STXBP5L: variants seen among roughly 807,000 people sequenced by gnomAD.
STXBP5L encodes the protein syntaxin-binding protein 5-like.
A neutral mutation model predicts 144.5 loss-of-function variants in STXBP5L; 65 were observed. The observed-to-expected ratio is 0.45, with a 90% confidence interval of 0.37 to 0.55. The LOEUF is 0.55. STXBP5L is among the 20% of genes least tolerant of loss of function. The pLI is 0.00. For synonymous variants in STXBP5L, 505 were observed against 469.6 expected, an observed-to-expected ratio of 1.08 and a Z score of -0.97; for missense variants, 1,298 against 1,405.5, an observed-to-expected ratio of 0.92 and a Z score of 1.22.
chr3:121,080,246 C>A (rs556595616), intron 5 of STXBP5L, among the ~76,000 whole-genome samples: 1 of 152,090 alleles, frequency 6.6e-6, no homozygotes, highest in Non-Finnish European at 1.5e-5. Flanking sequence ...TTGAAGACAA[C>A]AGATATTGGG....
chr3:121,327,120 C>G (rs1194069610), intron 20 of STXBP5L, among the ~76,000 whole-genome samples: 2 of 152,118 alleles, frequency 1.3e-5, no homozygotes, highest in Admixed American at 6.6e-5. Context: ...TATGATGAAC[C>G]AGGCTGCACT....
intron 4 of STXBP5L, among the ~76,000 whole-genome samples, chr3:121,043,471 G>A (rs368523898): frequency 2.4e-4 from 37 of 151,784 alleles, no homozygotes; most frequent in African/African-American, 8.9e-4. Context: ...AGCACTTTGG[G>A]AAGTTAAGGT....
chr3:121,005,707 C>G (rs1438760392), intron 3 of STXBP5L, among the ~76,000 whole-genome samples: 1 of 152,198 alleles, frequency 6.6e-6, no homozygotes, highest in African/African-American at 2.4e-5. Flanking sequence ...AAATTTCCCT[C>G]TACACACTGC....
chr3:121,037,865 C>T (rs1235951118), intron 3 of STXBP5L, among the ~76,000 whole-genome samples: 2 of 151,928 alleles, frequency 1.3e-5, no homozygotes, highest in South Asian at 2.1e-4. Flanking sequence ...TGTTAAATTT[C>T]CTACTTCTCC....
At chr3:121,390,438 AGCTGGTTATTTT>A (rs2046552035) in intron 22 of STXBP5L, among the ~76,000 whole-genome samples, 1 of 152,150 alleles carries the variant, frequency 6.6e-6, no homozygotes. Flanking sequence ...TTATGATGTT[AGCTGGTTATTTT>A]GCCCATTCAT....
chr3:121,001,215 C>T (rs948217377), intron 3 of STXBP5L, among the ~76,000 whole-genome samples: 1 of 152,134 alleles, frequency 6.6e-6, no homozygotes, highest in Non-Finnish European at 1.5e-5. Flanking sequence ...GCTGGCAAGG[C>T]CCATGTGAAA....
At chr3:121,038,557 G>GTATATTTA (rs1257458406) in intron 3 of STXBP5L, among the ~76,000 whole-genome samples, 2 of 151,840 alleles carry the variant, frequency 1.3e-5, no homozygotes, top group Admixed American at 6.6e-5. Context: ...TATTTCAAAA[G>GTATATTTA]TATATTTATT....
intron 22 of STXBP5L, among the ~76,000 whole-genome samples, chr3:121,400,080 C>G (rs553326281): frequency 2.6e-5 from 4 of 152,304 alleles, no homozygotes; most frequent in South Asian, 4.1e-4. Flanking sequence ...GGTTCTGCTC[C>G]CAGAAGGCCC....
intron 26 of STXBP5L, 104 bp from the exon 27 acceptor site, chr3:121,418,952 A>G (rs2108759024): frequency 1.7e-6 from 2 of 1,202,042 alleles, no homozygotes; most frequent in South Asian, 3.2e-5. Context: ...CAGTTTGATT[A>G]TAAGTTTTGA....
At chr3:120,917,557 TG>T (rs1366293031) in intron 2 of STXBP5L, among the ~76,000 whole-genome samples, 13 of 152,058 alleles carry the variant, frequency 8.5e-5, no homozygotes, top group Non-Finnish European at 1.9e-4. Context: ...GGGGTGGCCA[TG>T]GTAGCACATG....
chr3:120,978,459 A>C (rs566550011), intron 3 of STXBP5L, among the ~76,000 whole-genome samples: 1 of 152,072 alleles, frequency 6.6e-6, no homozygotes, highest in Non-Finnish European at 1.5e-5. Context: ...AATTTTTTTC[A>C]AGGTTTTTAA....
intron 20 of STXBP5L, among the ~76,000 whole-genome samples, chr3:121,342,615 T>A (rs1467777999): frequency 2.0e-5 from 3 of 151,734 alleles, no homozygotes; most frequent in Non-Finnish European, 4.4e-5. Context: ...TTTGTTCTTG[T>A]GATAGTTTAC....
At chr3:121,356,281 CT>C (rs2045510465) in intron 20 of STXBP5L, among the ~76,000 whole-genome samples, 1 of 152,262 alleles carries the variant, frequency 6.6e-6, no homozygotes, top group Non-Finnish European at 1.5e-5. Context: ...TTTTGTTCAG[CT>C]AAGCCCTGCC....
chr3:121,116,315 A>C (rs3845853), intron 6 of STXBP5L, among the ~76,000 whole-genome samples: 121,409 of 151,974 alleles, frequency 0.8, 48,975 homozygotes, highest in Admixed American at 0.84. Context: ...GGAAATAAAT[A>C]TTTTACCTAA....
Position 121,362,267 on chromosome 3 carries a change from G to A in STXBP5L, c.2177-16449G>A, listed in dbSNP as rs142990239. Among the ~76,000 whole-genome samples the A allele has an allele frequency of 4.0e-3, 605 of 152,266 alleles. 3 individuals are homozygous for A. Among genetic ancestry groups the A allele is most frequent in the Non-Finnish European group, 6.4e-3 (437 of 68,010 alleles). On this transcript the variant is annotated intron_variant, in intron 20 of 26. Transcript: ENST00000471454. ...AGTGTAGCACTGGGTCTCACCCAAG[G>A]CCTGCTATAATTACTCCCTGGCTAA...
At chr3:121,300,503 T>G (rs576837155) in intron 19 of STXBP5L, among the ~76,000 whole-genome samples, 2 of 152,202 alleles carry the variant, frequency 1.3e-5, no homozygotes, top group Admixed American at 1.3e-4. Flanking sequence ...TGAAGAGAAG[T>G]ATACAGAATT....
intron 20 of STXBP5L, among the ~76,000 whole-genome samples, chr3:121,354,922 A>G (rs1056200037): frequency 6.6e-6 from 1 of 152,126 alleles, no homozygotes; most frequent in Non-Finnish European, 1.5e-5. Flanking sequence ...GCTTGTCTGT[A>G]AAGGATTTTA....
intron 2 of STXBP5L, among the ~76,000 whole-genome samples, chr3:120,935,423 A>T (rs1305491489): frequency 7.8e-6 from 1 of 128,744 alleles, no homozygotes; most frequent in African/African-American, 2.9e-5. Context: ...AATTTAATTT[A>T]AAAAGTTTTT....
At chr3:121,041,231 A>T (rs903304609) in intron 3 of STXBP5L, among the ~76,000 whole-genome samples, 1 of 151,940 alleles carries the variant, frequency 6.6e-6, no homozygotes, top group Admixed American at 6.6e-5. Context: ...AGTCAGATAT[A>T]TCAGTCTATT....
Sources: allele counts gnomAD v4.1 joint callset (sites outside exome capture counted in the v4.1 genomes callset), GRCh38; gene constraint gnomAD v4.1.1; transcripts MANE v1.5; gene names NCBI Gene and HGNC (gene_info 2026-07-23, HGNC 2026-07-21).